KIF3A: variants seen among roughly 807,000 people sequenced by gnomAD.
The protein encoded by KIF3A is kinesin-like protein KIF3A.
Under a neutral mutation model 92.6 loss-of-function variants are expected in KIF3A, and 27 were observed. That is an observed-to-expected ratio of 0.29 (90% CI 0.21 to 0.40). The LOEUF (loss-of-function observed/expected upper bound fraction) is 0.40. Ranked by LOEUF, KIF3A falls within the 10% of genes least tolerant of loss-of-function variation. KIF3A has a pLI of 1.00. For synonymous variants in KIF3A, 250 were observed against 275.4 expected (o/e 0.91, Z 0.92); for missense variants, 581 against 872.6 (o/e 0.67, Z 4.21).
chr5:132,712,649 A>G (rs887789187), intron 8 of KIF3A, among the ~76,000 whole-genome samples: 2 of 152,262 alleles, frequency 1.3e-5, no homozygotes, highest in Non-Finnish European at 2.9e-5. Flanking sequence ...GCAGTCTCAA[A>G]GTATCCCCCA....
chr5:132,736,805 T>C (rs188854518), intron 1 of KIF3A: 2 of 458,564 alleles, frequency 4.4e-6, no homozygotes, highest in South Asian at 3.2e-5. Flanking sequence ...TGACCCCTAA[T>C]AAGGGGTCTT....
At position 132,700,627 on chromosome 5, in the gene KIF3A, A is replaced by C. The variant is rs1753004623; in HGVS notation, c.1938+20T>G. Reference sequence around the variant, plus strand: ...AAGTACTCTTTAATTATTACGTGAAAGAATGAAGGTAATACTCACTAGCTG... The same window carrying C: ...AAGTACTCTTTAATTATTACGTGAACGAATGAAGGTAATACTCACTAGCTG... On this transcript the variant is annotated intron_variant, in intron 16 of 18. Transcript: ENST00000403231. 6.6e-7 allele frequency: 1 copy of C among 1,506,536 alleles called. No homozygotes were observed. The highest frequency in any genetic ancestry group is 1.1e-5 in the South Asian group (1 of 88,178). The allele number at this position is 1,506,536 out of a possible 1,614,324, so 93.3% of individuals were successfully genotyped here.
rs149061905 is a variant in KIF3A at position 132,730,416 on chromosome 5, G to A, written c.280+3789C>T. On this transcript the variant is annotated intron_variant, in intron 2 of 18. Coordinates refer to ENST00000403231, the MANE Select transcript of KIF3A (RefSeq NM_001300791.2). The stretch of plus-strand genomic sequence containing the variant: ...GGGGAAGCAGAGGAGACAGTGAGCC[G>A]AGATCGCGCCACTGCACTCCAGCCT... 4.0e-3 allele frequency among the ~76,000 whole-genome samples: 608 copies of A among 150,796 alleles called. 7 individuals are homozygous for A. Among genetic ancestry groups the A allele is most frequent in the African/African-American group, 0.014 (588 of 40,938 alleles).
At chr5:132,717,775 A>C (rs1186740090) in intron 5 of KIF3A, among the ~76,000 whole-genome samples, 1 of 152,180 alleles carries the variant, frequency 6.6e-6, no homozygotes, top group African/African-American at 2.4e-5. Context: ...TTTTAAAGTT[A>C]ATTTTACTCA....
intron 4 of KIF3A, among the ~76,000 whole-genome samples, chr5:132,722,066 T>C (rs1056597584): frequency 2.6e-5 from 4 of 152,252 alleles, no homozygotes; most frequent in African/African-American, 9.6e-5. Context: ...GCCTTGGCAA[T>C]GTCAAATTGC....
downstream of KIF3A, among the ~76,000 whole-genome samples, chr5:132,690,296 CAGA>C (rs139588811): frequency 0.028 from 4,269 of 152,206 alleles, 183 homozygotes; most frequent in African/African-American, 0.096. Flanking sequence ...GAGGCTGAGG[CAGA>C]AGGATTGCTT....
chr5:132,702,982 G>C lies in KIF3A; in HGVS notation c.1550C>G (p.Ala517Gly). ...TTCAAGAAGTTTCTCTTGTTCCTCAGCTTTGGCCAACAAGTCAACCCCACC... is the reference window on the plus strand; with the variant it reads ...TTCAAGAAGTTTCTCTTGTTCCTCACCTTTGGCCAACAAGTCAACCCCACC... ...IVGGVDLLAK[A>G]EEQEKLLEES... Residue 517 changes from alanine (A) to glycine (G), a missense_variant, in exon 13 of 19, where the codon GCT (alanine) becomes GGT (glycine). Physicochemically the swap from Ala to Gly is moderately conservative, Grantham distance 60 (BLOSUM62 0). This residue lies in a region of KIF3A where 45 missense variants were observed against 115.8 expected (regional missense o/e 0.39). Coordinates refer to ENST00000403231, the MANE Select transcript of KIF3A (RefSeq NM_001300791.2). 1 of 1,612,174 alleles carries C rather than the reference G, an allele frequency of 6.2e-7. No homozygotes were observed. The highest frequency in any genetic ancestry group is 8.5e-7 in the Non-Finnish European group (1 of 1,179,466).
At chr5:132,727,661 T>C (rs1391029522) in intron 2 of KIF3A, among the ~76,000 whole-genome samples, 1 of 152,050 alleles carries the variant, frequency 6.6e-6, no homozygotes, top group African/African-American at 2.4e-5. Flanking sequence ...TTAGACCTTA[T>C]CCTAAAAGCA....
chr5:132,702,992 A>G lies in KIF3A; in HGVS notation c.1540T>C (p.Leu514=). Reference sequence around the variant, plus strand: ...TTCTCTTGTTCCTCAGCTTTGGCCAACAAGTCAACCCCACCAACAATTACC... The same window carrying G: ...TTCTCTTGTTCCTCAGCTTTGGCCAGCAAGTCAACCCCACCAACAATTACC... ...KKVIVGGVDL[L]AKAEEQEKLL... Residue 514 remains leucine, a synonymous_variant, in exon 13 of 19, where the codon TTG becomes CTG. Transcript: ENST00000403231. The G allele has an allele frequency of 6.2e-7, 1 of 1,612,458 alleles. No individual in the cohort carries two copies. The highest frequency in any genetic ancestry group is 8.5e-7 in the Non-Finnish European group (1 of 1,179,582).
chr5:132,715,317 T>C (rs1223999283), intron 8 of KIF3A, among the ~76,000 whole-genome samples: 2 of 152,230 alleles, frequency 1.3e-5, no homozygotes, highest in Non-Finnish European at 2.9e-5. Flanking sequence ...TTAAAGGTCA[T>C]GCAATGCATT....
At position 132,703,502 on chromosome 5, in the gene KIF3A, G is replaced by A; in HGVS notation, c.1427C>T (p.Ala476Val). The A allele has an allele frequency of 1.2e-6, 2 of 1,612,160 alleles. No individual in the cohort carries two copies. The highest frequency in any genetic ancestry group is 1.3e-5 in the African/African-American group (1 of 74,970). Residue 476 changes from alanine (A) to valine (V), a missense_variant, in exon 12 of 19, where the codon GCT (alanine) becomes GTT (valine). Physicochemically the swap from Ala to Val is moderately conservative, Grantham distance 64. This residue lies in a region of KIF3A where 167 missense variants were observed against 205.8 expected (regional missense o/e 0.81). Transcript: ENST00000403231. ...MEEEERNKAR[A>V]ELEKREKDLL... ...ATCTTTTTCCCGTTTCTCTAATTCA[G>A]CTCTAGCCTTGTTTCTTTCTTCTTC... is the stretch of plus-strand genomic sequence containing the variant.
chr5:132,700,922 G>C (rs1430077367), intron 15 of KIF3A, among the ~76,000 whole-genome samples: 2 of 152,070 alleles, frequency 1.3e-5, no homozygotes, highest in Admixed American at 1.3e-4. Context: ...AGAAACTTGG[G>C]AATCAAGATA....
chr5:132,716,817 A>T (rs925563582), intron 6 of KIF3A, 28 bp downstream of exon 6: 1 of 1,603,610 alleles, frequency 6.2e-7, no homozygotes, highest in Non-Finnish European at 8.5e-7. Context: ...AGAAAGAGTT[A>T]TTCCTTAAGC....
At chr5:132,700,578 C>G in intron 16 of KIF3A, 69 bp downstream of exon 16, 1 of 1,063,814 alleles carries the variant, frequency 9.4e-7, no homozygotes, top group Non-Finnish European at 1.5e-6. Context: ...CCCACTGTAG[C>G]CAGCACAATT....
chr5:132,725,982 T>C (rs576383500), intron 4 of KIF3A, 146 bp downstream of exon 4: 28 of 493,814 alleles, frequency 5.7e-5, no homozygotes, highest in African/African-American at 5.6e-4. Flanking sequence ...TCCCCAGATA[T>C]GTCTGCAGAT....
chr5:132,703,079 T>C lies in KIF3A; in HGVS notation c.1467-14A>G. On this transcript the variant is annotated splice_polypyrimidine_tract_variant and intron_variant, in intron 12 of 18. Transcript: ENST00000403231. ...TGATGCTCTTGTCTGTTGATTAGAATGAGAATACTCTATATTCACTGATGA... is the reference window on the plus strand; with the variant it reads ...TGATGCTCTTGTCTGTTGATTAGAACGAGAATACTCTATATTCACTGATGA... 1 of 1,589,558 alleles carries C rather than the reference T, an allele frequency of 6.3e-7. No individual in the cohort carries two copies. The highest frequency in any genetic ancestry group is 8.6e-7 in the Non-Finnish European group (1 of 1,168,628).
chr5:132,720,855 T>C (rs190008643), intron 4 of KIF3A, 141 bp from the exon 5 acceptor site: 90 of 513,952 alleles, frequency 1.8e-4, no homozygotes, highest in Admixed American at 2.5e-4. Flanking sequence ...CATGGAGATG[T>C]CTATAGGAAG....
At chr5:132,703,150 A>G in intron 12 of KIF3A, 85 bp from the exon 13 acceptor site, 2 of 1,158,654 alleles carry the variant, frequency 1.7e-6, no homozygotes, top group Non-Finnish European at 2.4e-6. Context: ...AAATTTGGAT[A>G]TACAATTTCA....
At chr5:132,724,853 A>ATATATG (rs1561709166) in intron 4 of KIF3A, among the ~76,000 whole-genome samples, 1 of 32,360 alleles carries the variant, frequency 3.1e-5, no homozygotes, top group Non-Finnish European at 1.4e-4. Flanking sequence ...ATATATATAT[A>ATATATG]TATTAAAAAA....
Sources: allele counts gnomAD v4.1 joint callset (sites outside exome capture counted in the v4.1 genomes callset), GRCh38; gene constraint gnomAD v4.1.1; regional missense constraint gnomAD v4.1.1; transcripts MANE v1.5; gene names NCBI Gene and HGNC (gene_info 2026-07-23, HGNC 2026-07-21).